The following TBCE variants were observed in gnomAD, a reference collection of about 807,000 sequenced individuals.
TBCE encodes tubulin folding cofactor E.
TBCE carries 53 observed loss-of-function variants against 77.0 expected under a neutral mutation model. The observed-to-expected ratio is 0.69, with a 90% CI of 0.55 to 0.87. The LOEUF is 0.87. Among genes scored for constraint, TBCE ranks in the 40% least tolerant of loss-of-function variants. The probability of loss-of-function intolerance (pLI) is 0.00; values close to 1 mark genes in which losing one functional copy is unlikely to be tolerated. For missense variants in TBCE, 624 were observed against 622.4 expected (o/e 1.00, Z -0.03); for synonymous variants, 235 against 241.3 (o/e 0.97, Z 0.24).
At chr1:235,384,674 A>AT (rs1443593042) in intron 2 of TBCE, among the ~76,000 whole-genome samples, 1 of 151,694 alleles carries the variant, frequency 6.6e-6, no homozygotes, top group Non-Finnish European at 1.5e-5. Context: ...CCCCTTTATC[A>AT]TTTTTTATTG....
At chr1:235,370,144 A>G (rs1189758881) in intron 1 of TBCE, among the ~76,000 whole-genome samples, 1 of 151,512 alleles carries the variant, frequency 6.6e-6, no homozygotes, top group African/African-American at 2.4e-5. Flanking sequence ...TTATCATCAT[A>G]TGACATGCCA....
Position 235,448,317 on chromosome 1 carries a change from A to G in TBCE, c.1400-32A>G, listed in dbSNP as rs367701832. On this transcript the variant is annotated intron_variant, in intron 15 of 16. Coordinates refer to ENST00000642610, the MANE Select transcript of TBCE (RefSeq NM_003193.5). ...GTTTTACAGGTAACTGTCATTTGAG[A>G]GAACGAATGGACTTTTCTTGTCTTT... The G allele has an allele frequency of 2.5e-6, 4 of 1,590,896 alleles. No individual in the cohort carries two copies. In the African/African-American group the frequency reaches 5.4e-5, roughly 21 times the overall value.
Position 235,451,772 on chromosome 1 carries a change from G to T in TBCE, c.*3010G>T, listed in dbSNP as rs149389133. On this transcript the variant is annotated 3_prime_UTR_variant, in exon 17 of 17. Coordinates refer to ENST00000642610, the MANE Select transcript of TBCE (RefSeq NM_003193.5). ...TGTGCCTTCTGTCCCCTGCACCTTC[G>T]ATGGCCAAAGTGGAAGCTGCAAGAA... The T allele has an allele frequency of 2.6e-5, 4 of 152,262 alleles. No homozygotes were observed. The highest frequency in any genetic ancestry group is 3.4e-3 in the Middle Eastern group (1 of 294). 9.4% of individuals were successfully genotyped at this position (152,262 alleles called of 1,614,324 possible).
intron 5 of TBCE, 105 bp downstream of exon 5, chr1:235,419,666 T>C: frequency 6.7e-7 from 1 of 1,481,990 alleles, no homozygotes. Flanking sequence ...GACAACTTCC[T>C]TCCTAATGCA....
intron 2 of TBCE, among the ~76,000 whole-genome samples, chr1:235,382,320 G>T (rs1275471692): frequency 9.9e-5 from 15 of 152,072 alleles, no homozygotes; most frequent in Admixed American, 9.8e-4. Flanking sequence ...AGTCCTTTGG[G>T]TATATACCCA....
intron 1 of TBCE, among the ~76,000 whole-genome samples, chr1:235,379,364 C>A (rs1254240181): frequency 6.6e-6 from 1 of 151,982 alleles, no homozygotes. Flanking sequence ...CCCGTCTATA[C>A]TAAAAATACA....
At chr1:235,386,616 C>A (rs1278152343) in intron 2 of TBCE, among the ~76,000 whole-genome samples, 1 of 152,250 alleles carries the variant, frequency 6.6e-6, no homozygotes, top group South Asian at 2.1e-4. Context: ...CTGCATTCTT[C>A]ACGTAGTTCT....
chr1:235,375,881 GA>G (rs879267409), intron 1 of TBCE, among the ~76,000 whole-genome samples: 7 of 148,712 alleles, frequency 4.7e-5, no homozygotes, highest in Non-Finnish European at 9.0e-5. Flanking sequence ...CATCTCTATT[GA>G]AAAAAAAAAT....
intron 2 of TBCE, among the ~76,000 whole-genome samples, chr1:235,394,686 G>T (rs1336608267): frequency 1.3e-5 from 2 of 151,962 alleles, no homozygotes; most frequent in East Asian, 1.9e-4. Flanking sequence ...CTCCCAAAGT[G>T]CTGGGATTAC....
chr1:235,419,553 C>T lies in TBCE; in HGVS notation c.452C>T (p.Ala151Val). 1 of 1,614,034 alleles carries T rather than the reference C, an allele frequency of 6.2e-7. No individual in the cohort carries two copies. The highest frequency in any genetic ancestry group is 2.2e-5 in the East Asian group (1 of 44,868). ...GGTGAAAAAGGAGGAGTTGCTGAAG[C>T]ATGTCCTAGTATCCTTTTCACCGAG... ...CAGEKGGVAEACPNIRKVDLS... is the reference protein window; with the variant it reads ...CAGEKGGVAEVCPNIRKVDLS... Residue 151 changes from alanine to valine, a missense_variant, in exon 5 of 17, where the codon GCA (alanine) becomes GTA (valine). By Grantham distance (64) the Ala-to-Val change is moderately conservative. Coordinates refer to ENST00000642610, the MANE Select transcript of TBCE (RefSeq NM_003193.5).
At chr1:235,370,176 G>GT (rs1449426345) in intron 1 of TBCE, among the ~76,000 whole-genome samples, 1 of 151,086 alleles carries the variant, frequency 6.6e-6, no homozygotes, top group Non-Finnish European at 1.5e-5. Flanking sequence ...CATTTATCTG[G>GT]TTTATTATGT....
intron 13 of TBCE, among the ~76,000 whole-genome samples, chr1:235,440,117 C>T (rs1304073027): frequency 6.6e-6 from 1 of 151,974 alleles, no homozygotes; most frequent in Non-Finnish European, 1.5e-5. Context: ...ACTACAGGCG[C>T]CCACCACCAC....
chr1:235,398,588 A>G (rs529093238), intron 2 of TBCE, among the ~76,000 whole-genome samples: 2 of 141,580 alleles, frequency 1.4e-5, no homozygotes, highest in East Asian at 2.0e-4. Context: ...TTCTCCCTTC[A>G]TTGGATGACG....
intron 3 of TBCE, among the ~76,000 whole-genome samples, chr1:235,412,643 C>A (rs540086966): frequency 1.5e-4 from 23 of 151,994 alleles, no homozygotes; most frequent in Non-Finnish European, 3.1e-4. Context: ...TCCCTCCTGG[C>A]CACTTCTTCC....
At chr1:235,410,810 C>T (rs1196262723) in intron 3 of TBCE, among the ~76,000 whole-genome samples, 1 of 152,170 alleles carries the variant, frequency 6.6e-6, no homozygotes, top group African/African-American at 2.4e-5. Flanking sequence ...GATATTCCTG[C>T]CTAACTGTTG....
intron 7 of TBCE, chr1:235,433,037 C>T: frequency 6.5e-7 from 1 of 1,547,352 alleles, no homozygotes; most frequent in Non-Finnish European, 8.7e-7. Context: ...CAGAAATGCT[C>T]CACCAGCAAC....
intron 2 of TBCE, among the ~76,000 whole-genome samples, chr1:235,400,078 TTAAAA>T: frequency 6.6e-6 from 1 of 152,166 alleles, no homozygotes; most frequent in East Asian, 1.9e-4. Flanking sequence ...AGTCTAGAGA[TTAAAA>T]TATGCATCTC....
intron 2 of TBCE, among the ~76,000 whole-genome samples, chr1:235,388,748 A>T (rs1404994355): frequency 6.6e-6 from 1 of 152,236 alleles, no homozygotes; most frequent in African/African-American, 2.4e-5. Flanking sequence ...TAGAAAGTTT[A>T]GTGTTCAGAA....
At chr1:235,379,540 C>G (rs1677490897) in intron 1 of TBCE, among the ~76,000 whole-genome samples, 1 of 150,544 alleles carries the variant, frequency 6.6e-6, no homozygotes, top group African/African-American at 2.4e-5. Context: ...AAAACAACAA[C>G]AAGAACAAAA....
Sources: gnomAD v4.1 joint callset for allele counts (sites outside exome capture counted in the v4.1 genomes callset) on GRCh38, gnomAD v4.1.1 for gene constraint, MANE v1.5 for transcripts, NCBI Gene and HGNC (gene_info 2026-07-23, HGNC 2026-07-21) for gene names.